CWC27: variants seen among roughly 807,000 people sequenced by gnomAD.
CWC27 encodes CWC27 spliceosome associated cyclophilin.
In CWC27, 47 loss-of-function variants were observed where a neutral mutation model predicts 63.6. The observed-to-expected ratio is 0.74, with a 90% CI of 0.58 to 0.94. The LOEUF is 0.94. Among genes scored for constraint, CWC27 ranks in the 40% least tolerant of loss-of-function variants. The pLI, the probability that CWC27 is intolerant of heterozygous loss-of-function variation, is 0.00. For synonymous variants in CWC27, 175 were observed against 179.8 expected (o/e 0.97, Z 0.22); for missense variants, 495 against 554.3 (o/e 0.89, Z 1.07).
chr5:64,928,718 T>G (rs892642510), intron 11 of CWC27, among the ~76,000 whole-genome samples: 3 of 152,200 alleles, frequency 2.0e-5, no homozygotes, highest in Non-Finnish European at 4.4e-5. Flanking sequence ...ATACCTGAGT[T>G]TATCTTTTTT....
At chr5:64,844,276 A>T (rs1009400444) in intron 10 of CWC27, among the ~76,000 whole-genome samples, 1 of 152,206 alleles carries the variant, frequency 6.6e-6, no homozygotes, top group Non-Finnish European at 1.5e-5. Flanking sequence ...GGTAGAAATA[A>T]AGGAGGCAGA....
At chr5:64,899,346 A>G (rs570398203) in intron 11 of CWC27, among the ~76,000 whole-genome samples, 1 of 152,348 alleles carries the variant, frequency 6.6e-6, no homozygotes, top group South Asian at 2.1e-4. Context: ...ATTCATCTCT[A>G]TATGCCTAAT....
chr5:64,794,326 G>T (rs1402709819), intron 7 of CWC27, among the ~76,000 whole-genome samples: 5 of 152,084 alleles, frequency 3.3e-5, no homozygotes, highest in Non-Finnish European at 7.4e-5. Flanking sequence ...AGGGTGCTTT[G>T]TTGTCAACTC....
At chr5:64,950,100 G>A (rs907933531) in intron 11 of CWC27, among the ~76,000 whole-genome samples, 7 of 151,896 alleles carry the variant, frequency 4.6e-5, no homozygotes, top group Non-Finnish European at 7.4e-5. Context: ...ATCTTTATAT[G>A]TTGAATTAAA....
chr5:64,865,296 A>T lies in CWC27; in HGVS notation c.939-20147A>T, dbSNP rs543531832. Among the ~76,000 whole-genome samples, 55 of 152,144 alleles carry T rather than the reference A, an allele frequency of 3.6e-4. 1 individual carries two copies. Among genetic ancestry groups the T allele is most frequent in the Non-Finnish European group, 6.5e-4 (44 of 68,000 alleles). ...TTTCATCAAACTCACACAAATAACT[A>T]GTGGAGTGAGCCCAAATGGCCCACT... On this transcript the variant is annotated intron_variant, in intron 10 of 13. Coordinates refer to ENST00000381070, the MANE Select transcript of CWC27 (RefSeq NM_005869.4).
chr5:64,888,363 AT>A (rs1052376475), intron 11 of CWC27, among the ~76,000 whole-genome samples: 3 of 147,186 alleles, frequency 2.0e-5, no homozygotes, highest in African/African-American at 7.4e-5. Context: ...TATAAAGTAT[AT>A]AAATAATTTG....
intron 10 of CWC27, among the ~76,000 whole-genome samples, chr5:64,813,761 G>A (rs1744952100): frequency 6.6e-6 from 1 of 152,122 alleles, no homozygotes; most frequent in South Asian, 2.1e-4. Context: ...GCCTTTTTAG[G>A]CCATATACTG....
intron 10 of CWC27, among the ~76,000 whole-genome samples, chr5:64,846,322 C>T (rs1745978331): frequency 6.6e-6 from 1 of 152,076 alleles, no homozygotes; most frequent in African/African-American, 2.4e-5. Flanking sequence ...ATATTAATAG[C>T]AGCTATAGCT....
chr5:64,836,627 C>A (rs1051046277), intron 10 of CWC27, among the ~76,000 whole-genome samples: 2 of 151,884 alleles, frequency 1.3e-5, no homozygotes, highest in East Asian at 1.9e-4. Flanking sequence ...TCACATCAAG[C>A]CTAATTTGAT....
rs565214126 is a variant in CWC27, at chr5:64,887,662, A to C, written c.1042+2116A>C. ...CTGACACACATTCAAGGATTCCTAAAATTTTACTATGTTTCCATAATGCTA... is the reference window on the plus strand; with the variant it reads ...CTGACACACATTCAAGGATTCCTAACATTTTACTATGTTTCCATAATGCTA... On this transcript the variant is annotated intron_variant, in intron 11 of 13. Transcript: ENST00000381070. Among the ~76,000 whole-genome samples the C allele has an allele frequency of 1.1e-4, 16 of 152,244 alleles. No homozygotes were observed. The South Asian group carries it at 3.1e-3, about 30-fold the overall frequency.
chr5:64,859,457 A>AT (rs1180649910), intron 10 of CWC27, among the ~76,000 whole-genome samples: 1 of 152,204 alleles, frequency 6.6e-6, no homozygotes, highest in Non-Finnish European at 1.5e-5. Flanking sequence ...AGTTTTAAAA[A>AT]TGTTTCAAAG....
intron 10 of CWC27, among the ~76,000 whole-genome samples, chr5:64,846,488 A>G (rs139627539): frequency 1.1e-3 from 174 of 152,350 alleles, no homozygotes; most frequent in African/African-American, 3.7e-3. Context: ...TTGATTGTTT[A>G]TAAGCTGTTA....
intron 11 of CWC27, among the ~76,000 whole-genome samples, chr5:64,895,766 A>C (rs995413760): frequency 6.6e-6 from 1 of 152,186 alleles, no homozygotes; most frequent in Non-Finnish European, 1.5e-5. Flanking sequence ...GAAGATATAG[A>C]AATGAAAAAT....
intron 11 of CWC27, among the ~76,000 whole-genome samples, chr5:64,966,180 T>C (rs761586115): frequency 8.6e-5 from 13 of 151,708 alleles, no homozygotes; most frequent in Admixed American, 2.0e-4. Flanking sequence ...TATAGCTTCA[T>C]AATCTAGCAA....
intron 10 of CWC27, among the ~76,000 whole-genome samples, chr5:64,865,660 G>A (rs920863572): frequency 1.3e-5 from 2 of 151,892 alleles, no homozygotes; most frequent in African/African-American, 4.8e-5. Flanking sequence ...TTAATTTTTG[G>A]TTTAAGGGCT....
At chr5:64,941,417 C>T (rs1204033502) in intron 11 of CWC27, among the ~76,000 whole-genome samples, 2 of 152,070 alleles carry the variant, frequency 1.3e-5, no homozygotes, top group African/African-American at 2.4e-5. Flanking sequence ...AGAATACTTG[C>T]TTCTTTGCTA....
At chr5:64,880,041 G>A (rs188036853) in intron 10 of CWC27, among the ~76,000 whole-genome samples, 2 of 151,932 alleles carry the variant, frequency 1.3e-5, no homozygotes, top group African/African-American at 2.4e-5. Context: ...TCTTCATTCT[G>A]TCTGTAAATA....
chr5:65,017,149 G>A (rs112326931), intron 13 of CWC27, among the ~76,000 whole-genome samples: 22 of 151,954 alleles, frequency 1.4e-4, no homozygotes, highest in African/African-American at 3.9e-4. Flanking sequence ...GTGAAACCCC[G>A]TCTCTGCTAA....
chr5:64,886,537 T>A (rs1157288977), intron 11 of CWC27, among the ~76,000 whole-genome samples: 3 of 152,132 alleles, frequency 2.0e-5, no homozygotes, highest in Non-Finnish European at 4.4e-5. Context: ...AAATAAGATG[T>A]AGCATCTAGC....
Sources: gnomAD v4.1 joint callset for allele counts (sites outside exome capture counted in the v4.1 genomes callset) on GRCh38, gnomAD v4.1.1 for gene constraint, MANE v1.5 for transcripts, NCBI Gene and HGNC (gene_info 2026-07-23, HGNC 2026-07-21) for gene names.